Variants in PALD1 observed in about 807,000 individuals in gnomAD.
PALD1 encodes the protein phosphatase domain containing paladin 1.
A neutral mutation model predicts 96.0 loss-of-function variants in PALD1; 57 were observed. That is an observed-to-expected ratio of 0.59 (90% CI 0.48 to 0.74). The LOEUF (loss-of-function observed/expected upper bound fraction) is 0.74. PALD1 is among the 30% of genes least tolerant of loss of function. The pLI, the probability that PALD1 is intolerant of heterozygous loss-of-function variation, is 0.00. For synonymous variants in PALD1, 464 were observed against 473.6 expected (o/e 0.98, Z 0.26); for missense variants, 1,063 against 1,143.7 (o/e 0.93, Z 1.02).
chr10:70,513,311 A>T (rs149631702), intron 1 of PALD1, among the ~76,000 whole-genome samples: 4,661 of 152,220 alleles, frequency 0.031, 240 homozygotes, highest in African/African-American at 0.1. Context: ...CCTGGCCAAC[A>T]TGGTGAAACC....
At chr10:70,499,190 C>T (rs1846249110) in intron 1 of PALD1, among the ~76,000 whole-genome samples, 1 of 152,214 alleles carries the variant, frequency 6.6e-6, no homozygotes, top group Non-Finnish European at 1.5e-5. Context: ...GGTTTGGATG[C>T]CAGTTCTGCC....
At chr10:70,474,451 C>A (rs1249917063), upstream of PALD1, among the ~76,000 whole-genome samples, 1 of 152,066 alleles carries the variant, frequency 6.6e-6, no homozygotes, top group Non-Finnish European at 1.5e-5. Context: ...ATTCTAACTA[C>A]TCGGGAGCCT....
Position 70,533,036 on chromosome 10 carries a change from AG to A in PALD1, c.838del (p.Ala280ProfsTer78). 1 of 1,586,766 alleles carries A rather than the reference AG, an allele frequency of 6.3e-7. No individual in the cohort carries two copies. Among genetic ancestry groups the A allele is most frequent in the Non-Finnish European group, 8.6e-7 (1 of 1,166,048 alleles). On this transcript the variant is annotated frameshift_variant, in exon 7 of 20. Transcript: ENST00000263563. LOFTEE classifies it high-confidence loss of function. The part of the protein sequence containing the change: ...LPLPEQGSPL[E>X]AQLDAFVSVL... ...CTGCCCGAGCAAGGGAGTCCCCTGG[AG>A]GCCCAGTTGGACGCCTTTGTCAGTG...
chr10:70,515,553 G>A (rs991813710), intron 1 of PALD1, among the ~76,000 whole-genome samples: 1 of 152,264 alleles, frequency 6.6e-6, no homozygotes, highest in Non-Finnish European at 1.5e-5. Context: ...GTTCACGTCT[G>A]TGGCAGCTGG....
intron 1 of PALD1, among the ~76,000 whole-genome samples, chr10:70,521,458 T>G (rs1846734828): frequency 6.6e-6 from 1 of 152,116 alleles, no homozygotes; most frequent in African/African-American, 2.4e-5. Flanking sequence ...GGAATATTAA[T>G]AACAGAAGCA....
chr10:70,507,741 TTGTGTGTGCGTGTGTGTG>T (rs1405718350), intron 1 of PALD1, among the ~76,000 whole-genome samples: 1 of 127,270 alleles, frequency 7.9e-6, no homozygotes, highest in African/African-American at 3.1e-5. Context: ...TTTGTATGTT[TTGTGTGTGCGTGTGTGTG>T]TGTGTGTGTG....
chr10:70,517,914 A>G (rs538504401), intron 1 of PALD1, among the ~76,000 whole-genome samples: 1 of 149,634 alleles, frequency 6.7e-6, no homozygotes, highest in African/African-American at 2.5e-5. Flanking sequence ...TTTTATTTTT[A>G]TTTTTTGAGA....
At chr10:70,553,459 G>A (rs1433143755) in intron 18 of PALD1, among the ~76,000 whole-genome samples, 3 of 152,180 alleles carry the variant, frequency 2.0e-5, no homozygotes, top group East Asian at 1.9e-4. Flanking sequence ...CTCATGCGGA[G>A]GGACAGGGAG....
the PALD1 span, among the ~76,000 whole-genome samples, chr10:70,465,403 G>T: frequency 2.0e-5 from 3 of 152,164 alleles, no homozygotes; most frequent in Non-Finnish European, 4.4e-5. Context: ...GGCAGTTAGT[G>T]GCTGACAGTG....
Position 70,556,081 on chromosome 10 carries a change from C to A in PALD1, c.2263-8283C>A, listed in dbSNP as rs1486641984. 4.6e-5 allele frequency among the ~76,000 whole-genome samples: 7 copies of A among 152,078 alleles called. No individual in the cohort carries two copies. In the East Asian group the frequency reaches 1.4e-3, roughly 29 times the overall value. ...TCCAATAAGTAATGTGTCTTGGGAG[C>A]AGGGCTGGAGCAATTAGGGCAGCCC... On this transcript the variant is annotated intron_variant, in intron 18 of 19. Coordinates refer to ENST00000263563, the MANE Select transcript of PALD1 (RefSeq NM_014431.3).
At chr10:70,536,258 A>C (rs1847114374) in intron 10 of PALD1, among the ~76,000 whole-genome samples, 1 of 152,092 alleles carries the variant, frequency 6.6e-6, no homozygotes, top group Non-Finnish European at 1.5e-5. Context: ...CTATGATCGT[A>C]CCACTGCACT....
chr10:70,525,749 A>C (rs1332696540), intron 1 of PALD1, among the ~76,000 whole-genome samples, 174 bp from the exon 2 acceptor site: 1 of 151,978 alleles, frequency 6.6e-6, no homozygotes, highest in Admixed American at 6.5e-5. Flanking sequence ...TAGAGCAGGC[A>C]CTCAGTGAGC....
chr10:70,514,750 C>T lies in PALD1; in HGVS notation c.-29-11173C>T, dbSNP rs561575410. 3.9e-5 allele frequency among the ~76,000 whole-genome samples: 6 copies of T among 152,266 alleles called. No homozygotes were observed. The South Asian group carries it at 1.0e-3, about 26-fold the overall frequency. On this transcript the variant is annotated intron_variant, in intron 1 of 19. Coordinates refer to ENST00000263563, the MANE Select transcript of PALD1 (RefSeq NM_014431.3). ...AAGTGGAATTATTGTCAGGGGAACA[C>T]GCGCTGCAGTGGGCAGAGTGCGCCT...
At chr10:70,556,796 C>T (rs548167971) in intron 18 of PALD1, among the ~76,000 whole-genome samples, 3 of 152,294 alleles carry the variant, frequency 2.0e-5, no homozygotes, top group Non-Finnish European at 4.4e-5. Flanking sequence ...TCAACTCCAG[C>T]ACCACCGCCT....
intron 1 of PALD1, among the ~76,000 whole-genome samples, chr10:70,525,672 TG>T (rs1317964320): frequency 1.3e-5 from 2 of 152,076 alleles, no homozygotes; most frequent in African/African-American, 4.8e-5. Context: ...CTAAAGGGGT[TG>T]GGGGCTGCAT....
chr10:70,551,342 T>C (rs1447524231), intron 18 of PALD1, among the ~76,000 whole-genome samples: 3 of 152,202 alleles, frequency 2.0e-5, no homozygotes, highest in Non-Finnish European at 2.9e-5. Flanking sequence ...CTGTGGTTCT[T>C]TGCTCAGAGC....
chr10:70,514,451 C>CT (rs1846581499), intron 1 of PALD1, among the ~76,000 whole-genome samples: 1 of 149,598 alleles, frequency 6.7e-6, no homozygotes, highest in Non-Finnish European at 1.5e-5. Context: ...GTGATCCCAG[C>CT]CCCCAGACAG....
chr10:70,459,754 G>A, the PALD1 span, among the ~76,000 whole-genome samples: 7 of 152,164 alleles, frequency 4.6e-5, no homozygotes, highest in African/African-American at 1.7e-4. Context: ...AGGTGAAAGT[G>A]GAAGGAACAG....
chr10:70,508,838 G>GTGTGTGTGTGT (rs1846454310), intron 1 of PALD1, among the ~76,000 whole-genome samples: 1 of 50,576 alleles, frequency 2.0e-5, no homozygotes, highest in African/African-American at 1.1e-4. Context: ...TGGGAGCTGC[G>GTGTGTGTGTGT]GAACCTGTGT....
Sources: gnomAD v4.1 joint callset for allele counts (sites outside exome capture counted in the v4.1 genomes callset) on GRCh38, gnomAD v4.1.1 for gene constraint, MANE v1.5 for transcripts, NCBI Gene and HGNC (gene_info 2026-07-23, HGNC 2026-07-21) for gene names.